Variants in EYS observed in about 807,000 individuals in gnomAD.
The protein encoded by EYS is protein eyes shut homolog.
A neutral mutation model predicts 282.1 loss-of-function variants in EYS; 250 were observed. That is an observed-to-expected ratio of 0.89 (90% CI 0.80 to 0.98). The LOEUF (loss-of-function observed/expected upper bound fraction) is 0.98. Ranked by LOEUF, EYS falls within the 50% of genes least tolerant of loss-of-function variation. The pLI, the probability that EYS is intolerant of heterozygous loss-of-function variation, is 0.00. For missense variants in EYS, 4,016 were observed against 3,709.0 expected (o/e 1.08, Z -2.15); for synonymous variants, 1,355 against 1,282.9 (o/e 1.06, Z -1.20).
At chr6:64,283,803 G>A (rs1385480314) in intron 30 of EYS, among the ~76,000 whole-genome samples, 1 of 152,074 alleles carries the variant, frequency 6.6e-6, no homozygotes, top group African/African-American at 2.4e-5. Flanking sequence ...ACATGGTGGT[G>A]GCAAGAGAAA....
intron 5 of EYS, among the ~76,000 whole-genome samples, chr6:65,432,844 T>C (rs1266660908): frequency 6.6e-6 from 1 of 152,070 alleles, no homozygotes; most frequent in Non-Finnish European, 1.5e-5. Context: ...AAATGTATTT[T>C]GTAGGTAAGA....
intron 26 of EYS, among the ~76,000 whole-genome samples, chr6:64,440,596 A>G (rs1229606060): frequency 3.3e-5 from 5 of 152,068 alleles, no homozygotes; most frequent in Non-Finnish European, 7.4e-5. Flanking sequence ...AATGATAGGG[A>G]CGTATTTTTT....
intron 26 of EYS, among the ~76,000 whole-genome samples, chr6:64,448,744 A>G (rs928373107): frequency 4.6e-5 from 7 of 152,202 alleles, no homozygotes; most frequent in African/African-American, 7.2e-5. Context: ...TCAGGCAAAC[A>G]GGGTCTGGAG....
chr6:65,346,406 G>GA (rs750357736), intron 9 of EYS, among the ~76,000 whole-genome samples: 3,579 of 114,176 alleles, frequency 0.031, 78 homozygotes, highest in South Asian at 0.048. Context: ...TACCCTTATT[G>GA]AAAAAAAAAA....
intron 15 of EYS, among the ~76,000 whole-genome samples, chr6:64,943,551 C>A (rs4585536): frequency 0.8 from 120,975 of 151,990 alleles, 48,420 homozygotes; most frequent in African/African-American, 0.85. Flanking sequence ...GAGCCAAATC[C>A]AGAATCCATT....
chr6:65,152,116 G>T (rs1315170873), intron 12 of EYS, among the ~76,000 whole-genome samples: 2 of 151,898 alleles, frequency 1.3e-5, no homozygotes, highest in African/African-American at 2.4e-5. Context: ...CTTCATAGTT[G>T]CACCCATTGC....
At chr6:65,103,884 A>G (rs1292323291) in intron 12 of EYS, among the ~76,000 whole-genome samples, 1 of 151,506 alleles carries the variant, frequency 6.6e-6, no homozygotes. Context: ...ATGCTAACAT[A>G]GAAATGCAGT....
intron 12 of EYS, among the ~76,000 whole-genome samples, chr6:65,102,350 T>G (rs953451778): frequency 3.3e-5 from 5 of 151,354 alleles, no homozygotes; most frequent in African/African-American, 1.2e-4. Context: ...ATTGTCATAT[T>G]TATTCGATGC....
chr6:64,771,600 T>C (rs1389152006), intron 22 of EYS, among the ~76,000 whole-genome samples: 1 of 151,812 alleles, frequency 6.6e-6, no homozygotes, highest in African/African-American at 2.4e-5. Context: ...TGCAATTCAT[T>C]CCTAAACAGC....
At chr6:64,072,343 T>C (rs964149676) in intron 32 of EYS, among the ~76,000 whole-genome samples, 2 of 151,850 alleles carry the variant, frequency 1.3e-5, no homozygotes, top group African/African-American at 4.8e-5. Flanking sequence ...TACAACTTTA[T>C]CTTTTCTGCG....
In EYS at chr6:64,591,155, G is replaced by T; in HGVS notation, c.4712C>A (p.Ser1571Ter). Residue 1571 changes from serine to a stop codon, truncating the protein, a stop_gained, in exon 26 of 43, where the codon TCA (serine) becomes TAA (stop). Transcript: ENST00000503581. LOFTEE classifies it high-confidence loss of function. ...CTGTTTGCTATGCAAAACTTGATCT[G>T]AGAATTCACGAGAGGATTTTATTTC... Reference protein sequence around the residue: ...MTEIKSSREFSDQVLHSKQSH... With the variant: ...MTEIKSSREF 1 of 1,551,286 alleles carries T rather than the reference G, an allele frequency of 6.4e-7. No individual in the cohort carries two copies. Among genetic ancestry groups the T allele is most frequent in the South Asian group, 1.2e-5 (1 of 84,046 alleles).
intron 30 of EYS, among the ~76,000 whole-genome samples, chr6:64,261,906 A>G (rs1020306581): frequency 6.6e-6 from 1 of 151,622 alleles, no homozygotes; most frequent in Middle Eastern, 3.4e-3. Context: ...ACAGGTGTGC[A>G]CCACACGCAT....
intron 2 of EYS, among the ~76,000 whole-genome samples, chr6:65,512,228 C>T (rs1399676463): frequency 2.6e-5 from 4 of 152,010 alleles, no homozygotes; most frequent in Non-Finnish European, 5.9e-5. Flanking sequence ...CACGGTGGCT[C>T]ATGCCTGTAA....
Position 64,821,695 on chromosome 6 carries a change from A to G in EYS, c.3193T>C (p.Cys1065Arg). 1 of 1,525,080 alleles carries G rather than the reference A, an allele frequency of 6.6e-7. No homozygotes were observed. Among genetic ancestry groups the G allele is most frequent in the Non-Finnish European group, 8.9e-7 (1 of 1,126,498 alleles). 94.5% of individuals were successfully genotyped at this position (1,525,080 alleles called of 1,614,324 possible). ...CTAGTCCCATCTGCATCACATGAAC[A>G]TGGATATTCATTAATAAGTTCTGTG... is the stretch of plus-strand genomic sequence containing the variant. ...RCTELINEYPCSCDADGTSTQ... is the reference protein window; with the variant it reads ...RCTELINEYPRSCDADGTSTQ... Residue 1065 changes from cysteine to arginine, a missense_variant, in exon 21 of 43, where the codon TGT (cysteine) becomes CGT (arginine). Cys to Arg is a radical substitution (Grantham distance 180, BLOSUM62 -3). Transcript: ENST00000503581.
At chr6:64,170,824 T>C (rs1254597507) in intron 31 of EYS, among the ~76,000 whole-genome samples, 2 of 152,052 alleles carry the variant, frequency 1.3e-5, no homozygotes, top group Non-Finnish European at 2.9e-5. Context: ...TTATGTAGCA[T>C]TTCACATAGT....
intron 2 of EYS, among the ~76,000 whole-genome samples, chr6:65,512,652 A>G (rs988983190): frequency 3.9e-5 from 6 of 152,152 alleles, no homozygotes; most frequent in African/African-American, 1.4e-4. Flanking sequence ...GAACTGCTCA[A>G]CTACATGGAA....
intron 30 of EYS, among the ~76,000 whole-genome samples, chr6:64,248,912 C>T (rs920008673): frequency 6.6e-6 from 1 of 151,494 alleles, no homozygotes; most frequent in African/African-American, 2.4e-5. Flanking sequence ...AAAAATTAGC[C>T]AGGCATGGTG....
In EYS at chr6:64,303,745, G is replaced by T. The variant is rs941721153; in HGVS notation, c.6191+3225C>A. On this transcript the variant is annotated intron_variant, in intron 30 of 42. Transcript: ENST00000503581. ...AGTCCCAGCTACACGGGAGGCTGAG[G>T]CAGGAGAATGGCGTGAACCCGGGAG... 3.3e-5 allele frequency among the ~76,000 whole-genome samples: 5 copies of T among 150,162 alleles called. No individual in the cohort carries two copies. The East Asian group carries it at 9.8e-4, about 30-fold the overall frequency.
intron 5 of EYS, among the ~76,000 whole-genome samples, chr6:65,471,921 A>C (rs1460439146): frequency 6.6e-6 from 1 of 152,122 alleles, no homozygotes; most frequent in Non-Finnish European, 1.5e-5. Context: ...TATAGAACCT[A>C]AATGGGAGAA....
Sources: allele counts gnomAD v4.1 joint callset (sites outside exome capture counted in the v4.1 genomes callset), GRCh38; gene constraint gnomAD v4.1.1; transcripts MANE v1.5; gene names NCBI Gene and HGNC (gene_info 2026-07-23, HGNC 2026-07-21).